Variants in TTC33 observed in about 807,000 individuals in gnomAD.
TTC33 encodes the protein tetratricopeptide repeat domain 33, also known as tetratricopeptide repeat protein 33.
TTC33 carries 24 observed loss-of-function variants against 29.4 expected under a neutral mutation model. The ratio of observed to expected loss-of-function variants is 0.82; its 90% CI spans 0.59 to 1.15. The LOEUF is 1.15. Ranked by LOEUF, TTC33 falls within the 50% of genes most tolerant of loss-of-function variation. The pLI is 0.00. For missense variants in TTC33, 286 were observed against 310.4 expected (o/e 0.92, Z 0.59); for synonymous variants, 107 against 100.3 (o/e 1.07, Z -0.40).
At chr5:40,753,661 G>A (rs2111945782) in intron 1 of TTC33, among the ~76,000 whole-genome samples, 1 of 152,246 alleles carries the variant, frequency 6.6e-6, no homozygotes, top group East Asian at 1.9e-4. Flanking sequence ...GACAACCTGA[G>A]AAAATACAGA....
intron 4 of TTC33, among the ~76,000 whole-genome samples, chr5:40,720,018 T>C (rs1232563545): frequency 6.6e-6 from 1 of 152,218 alleles, no homozygotes; most frequent in Non-Finnish European, 1.5e-5. Context: ...CAGTAACTTT[T>C]GAAGCACAAA....
At chr5:40,751,757 G>C (rs777320181) in intron 1 of TTC33, among the ~76,000 whole-genome samples, 2 of 152,170 alleles carry the variant, frequency 1.3e-5, no homozygotes, top group Admixed American at 1.3e-4. Context: ...AAGAGATAGA[G>C]ACCATCCTGG....
intron 2 of TTC33, among the ~76,000 whole-genome samples, chr5:40,736,780 AGAAATTGACAAAAAAT>A (rs1014568182): frequency 6.6e-6 from 1 of 152,186 alleles, no homozygotes; most frequent in Admixed American, 6.5e-5. Flanking sequence ...CCTATGAGGT[AGAAATTGACAAAAAAT>A]AACTACCCAA....
rs201972945 is a variant in TTC33, at chr5:40,728,325, T to C, written c.435+20A>G. On this transcript the variant is annotated intron_variant, in intron 4 of 4. Coordinates refer to ENST00000337702, the MANE Select transcript of TTC33 (RefSeq NM_012382.3). ...AAATATACTTAAAATTTCTGCATTA[T>C]AATAATCTGACTTCCTCACCAGGAT... 4 of 1,324,742 alleles carry C rather than the reference T, an allele frequency of 3.0e-6. No homozygotes were observed. Among genetic ancestry groups the C allele is most frequent in the Non-Finnish European group, 4.1e-6 (4 of 986,120 alleles). The allele number at this position is 1,324,742 out of a possible 1,614,324, so 82.1% of individuals were successfully genotyped here.
intron 2 of TTC33, among the ~76,000 whole-genome samples, chr5:40,742,363 C>T (rs12520058): frequency 0.34 from 52,081 of 151,954 alleles, 10,033 homozygotes; most frequent in Admixed American, 0.45. Context: ...GTATTTACTA[C>T]ATGACAGGCA....
At chr5:40,750,897 A>G (rs775830165) in intron 1 of TTC33, among the ~76,000 whole-genome samples, 1 of 152,220 alleles carries the variant, frequency 6.6e-6, no homozygotes, top group Non-Finnish European at 1.5e-5. Flanking sequence ...ATTCAGTCAC[A>G]TCTTCAGGCT....
intron 2 of TTC33, among the ~76,000 whole-genome samples, chr5:40,739,984 T>TC (rs1372520955): frequency 6.6e-6 from 1 of 152,174 alleles, no homozygotes; most frequent in Non-Finnish European, 1.5e-5. Context: ...TTATTTTACA[T>TC]CCATTATTGG....
At chr5:40,718,026 T>C (rs1742039489) in intron 4 of TTC33, among the ~76,000 whole-genome samples, 2 of 150,738 alleles carry the variant, frequency 1.3e-5, no homozygotes, top group South Asian at 4.2e-4. Flanking sequence ...CGCACAATTA[T>C]GCTCCAGCCT....
rs111481423 is a variant in TTC33, at chr5:40,721,240, T to C, written c.436-4742A>G. On this transcript the variant is annotated intron_variant, in intron 4 of 4. Transcript: ENST00000337702. ...GGGCTAGGAAGAACAGAGAGGGATATTTGGGCTGGAAGTTGCTATCACCCC... is the reference window on the plus strand; with the variant it reads ...GGGCTAGGAAGAACAGAGAGGGATACTTGGGCTGGAAGTTGCTATCACCCC... 1.7e-3 allele frequency among the ~76,000 whole-genome samples: 264 copies of C among 152,266 alleles called. 1 individual carries two copies. The highest frequency in any genetic ancestry group is 6.0e-3 in the African/African-American group (251 of 41,542).
chr5:40,750,020 A>G (rs1097546), intron 1 of TTC33, among the ~76,000 whole-genome samples: 101,910 of 151,262 alleles, frequency 0.67, 34,455 homozygotes, highest in East Asian at 0.8. Context: ...CTCGGGAGGC[A>G]GAGGTTGCAG....
chr5:40,753,210 A>G (rs1168030314), intron 1 of TTC33, among the ~76,000 whole-genome samples: 2 of 152,102 alleles, frequency 1.3e-5, no homozygotes, highest in East Asian at 3.9e-4. Context: ...ACAAAAATAC[A>G]AAAAGTACCT....
intron 4 of TTC33, among the ~76,000 whole-genome samples, chr5:40,722,398 G>A (rs923079944): frequency 6.9e-6 from 1 of 145,606 alleles, no homozygotes; most frequent in African/African-American, 2.6e-5. Context: ...CCCTCTGCCC[G>A]GCCGCCCAGT....
intron 2 of TTC33, among the ~76,000 whole-genome samples, chr5:40,738,728 A>C (rs1300287991): frequency 6.6e-6 from 1 of 152,088 alleles, no homozygotes; most frequent in East Asian, 1.9e-4. Context: ...CAATCTTTTC[A>C]ATGTTAGCAT....
intron 4 of TTC33, among the ~76,000 whole-genome samples, chr5:40,718,923 A>T (rs1248229529): frequency 1.3e-5 from 2 of 152,126 alleles, no homozygotes; most frequent in Non-Finnish European, 2.9e-5. Flanking sequence ...AATAAAAATT[A>T]AAAATTAAGG....
chr5:40,726,187 A>G (rs2111886661), intron 4 of TTC33, among the ~76,000 whole-genome samples: 1 of 148,688 alleles, frequency 6.7e-6, no homozygotes, highest in East Asian at 2.0e-4. Flanking sequence ...ATATATATAT[A>G]AAATGTATAC....
Position 40,717,229 on chromosome 5 carries a change from CAAAAAA to C in TTC33, c.436-737_436-732del, listed in dbSNP as rs35359209. Among the ~76,000 whole-genome samples the C allele has an allele frequency of 2.8e-5, 3 of 108,902 alleles. No homozygotes were observed. In the Admixed American group the frequency reaches 3.1e-4, roughly 11 times the overall value. 71.4% of individuals were successfully genotyped at this position (108,902 alleles called of 152,430 possible). ...GGGCAAAAAGAGCAAAACTCCATCTCAAAAAAAAAAAAAAAAAAGATTTACATGTAT... is the reference window on the plus strand; with the variant it reads ...GGGCAAAAAGAGCAAAACTCCATCTCAAAAAAAAAAAAGATTTACATGTAT... On this transcript the variant is annotated intron_variant, in intron 4 of 4. Coordinates refer to ENST00000337702, the MANE Select transcript of TTC33 (RefSeq NM_012382.3).
At chr5:40,730,116 T>C (rs922580447) in intron 3 of TTC33, 146 bp downstream of exon 3, 4 of 613,458 alleles carry the variant, frequency 6.5e-6, no homozygotes, top group Admixed American at 2.9e-5. Flanking sequence ...GACAGAACCA[T>C]AAATAATGGT....
Position 40,755,931 on chromosome 5 carries a change from T to G in TTC33, c.-109A>C, listed in dbSNP as rs910536731. ...AGGAAAGACGACTCAGTCTTTCCCC[T>G]CCGCCAATCTCTTCTCCGGGACCAC... is the stretch of plus-strand genomic sequence containing the variant. On this transcript the variant is annotated 5_prime_UTR_variant, in exon 1 of 5. Transcript: ENST00000337702. 2.0e-5 allele frequency: 3 copies of G among 152,344 alleles called. No homozygotes were observed. Among genetic ancestry groups the G allele is most frequent in the Non-Finnish European group, 4.4e-5 (3 of 68,104 alleles). 9.4% of individuals were successfully genotyped at this position (152,344 alleles called of 1,614,324 possible).
At chr5:40,724,718 A>G (rs1226543273) in intron 4 of TTC33, among the ~76,000 whole-genome samples, 2 of 152,168 alleles carry the variant, frequency 1.3e-5, no homozygotes, top group African/African-American at 4.8e-5. Context: ...AAAAAACTCA[A>G]TTCTTAAGTG....
Sources: gnomAD v4.1 joint callset for allele counts (sites outside exome capture counted in the v4.1 genomes callset) on GRCh38, gnomAD v4.1.1 for gene constraint, MANE v1.5 for transcripts, NCBI Gene and HGNC (gene_info 2026-07-23, HGNC 2026-07-21) for gene names.